Variants in GALNTL6 observed in about 807,000 individuals in gnomAD.
The protein encoded by GALNTL6 is polypeptide N-acetylgalactosaminyltransferase like 6.
Under a neutral mutation model 73.7 loss-of-function variants are expected in GALNTL6, and 46 were observed. That is an observed-to-expected ratio of 0.62 (90% CI 0.49 to 0.80). The LOEUF (loss-of-function observed/expected upper bound fraction) is 0.80, where lower values mean the gene tolerates loss of function less well. Among genes scored for constraint, GALNTL6 ranks in the 30% least tolerant of loss-of-function variants. The probability of loss-of-function intolerance (pLI) is 0.00; values close to 1 mark genes in which losing one functional copy is unlikely to be tolerated. For synonymous variants in GALNTL6, 259 were observed against 263.7 expected (o/e 0.98, Z 0.17); for missense variants, 604 against 755.0 (o/e 0.80, Z 2.34).
intron 12 of GALNTL6, among the ~76,000 whole-genome samples, chr4:173,038,627 A>T (rs995491637): frequency 1.3e-5 from 2 of 152,248 alleles, no homozygotes; most frequent in Non-Finnish European, 2.9e-5. Flanking sequence ...CCTTTGTATT[A>T]GGCACAGCTC....
chr4:172,355,326 G>T (rs948632801), intron 5 of GALNTL6, among the ~76,000 whole-genome samples: 2 of 152,058 alleles, frequency 1.3e-5, no homozygotes, highest in Non-Finnish European at 1.5e-5. Flanking sequence ...TAACAAAAAA[G>T]AACTGTTAGA....
chr4:172,657,839 G>T (rs1256625612), intron 5 of GALNTL6, among the ~76,000 whole-genome samples: 1 of 152,130 alleles, frequency 6.6e-6, no homozygotes, highest in African/African-American at 2.4e-5. Context: ...ACCAGTCAAC[G>T]GTCGGCACAC....
At chr4:172,514,981 A>T (rs1032040060) in intron 5 of GALNTL6, among the ~76,000 whole-genome samples, 5 of 152,074 alleles carry the variant, frequency 3.3e-5, no homozygotes, top group African/African-American at 1.2e-4. Context: ...GTGGCAAACC[A>T]CTTCTTTCAA....
At chr4:172,165,630 A>G (rs1319445450) in intron 2 of GALNTL6, among the ~76,000 whole-genome samples, 3 of 152,204 alleles carry the variant, frequency 2.0e-5, no homozygotes, top group Non-Finnish European at 4.4e-5. Flanking sequence ...ATGAATGGGA[A>G]TTGGAATCCT....
chr4:172,202,900 T>C (rs1339993998), intron 2 of GALNTL6, among the ~76,000 whole-genome samples: 1 of 152,202 alleles, frequency 6.6e-6, no homozygotes. Context: ...AATTGAGTTT[T>C]GATAGCAAAA....
chr4:172,361,392 T>G (rs1316338228), intron 5 of GALNTL6, among the ~76,000 whole-genome samples: 4 of 152,114 alleles, frequency 2.6e-5, no homozygotes, highest in Non-Finnish European at 5.9e-5. Flanking sequence ...CACTTTTCAT[T>G]TTAGGATCAG....
chr4:172,652,241 G>A (rs1166992545), intron 5 of GALNTL6, among the ~76,000 whole-genome samples: 4 of 152,266 alleles, frequency 2.6e-5, no homozygotes, highest in East Asian at 1.9e-4. Context: ...CAGGAGTGTC[G>A]AGGTTATTCA....
At chr4:172,633,976 G>A (rs1239623961) in intron 5 of GALNTL6, among the ~76,000 whole-genome samples, 1 of 152,166 alleles carries the variant, frequency 6.6e-6, no homozygotes, top group Admixed American at 6.5e-5. Context: ...GTGTGGAACT[G>A]GGAGTCAATT....
chr4:172,249,476 G>A (rs1461375521), intron 3 of GALNTL6, among the ~76,000 whole-genome samples: 2 of 152,144 alleles, frequency 1.3e-5, no homozygotes, highest in Admixed American at 1.3e-4. Flanking sequence ...AAGTAACAAG[G>A]AGCTGAATGT....
At chr4:172,321,495 A>T (rs1740753907) in intron 4 of GALNTL6, among the ~76,000 whole-genome samples, 1 of 152,208 alleles carries the variant, frequency 6.6e-6, no homozygotes, top group African/African-American at 2.4e-5. Context: ...ATATAACAGA[A>T]AAAGACTTCA....
At chr4:172,596,186 T>C (rs1355508134) in intron 5 of GALNTL6, among the ~76,000 whole-genome samples, 1 of 152,078 alleles carries the variant, frequency 6.6e-6, no homozygotes, top group Non-Finnish European at 1.5e-5. Flanking sequence ...CCAGGTGTGG[T>C]GGCTTATGCC....
At chr4:172,731,948 T>C (rs1268932967) in intron 5 of GALNTL6, among the ~76,000 whole-genome samples, 2 of 152,174 alleles carry the variant, frequency 1.3e-5, no homozygotes, top group African/African-American at 2.4e-5. Flanking sequence ...AGGCTTGTTT[T>C]GTGGCTCAAG....
chr4:172,691,487 A>C (rs1229403862), intron 5 of GALNTL6, among the ~76,000 whole-genome samples: 1 of 152,086 alleles, frequency 6.6e-6, no homozygotes, highest in Non-Finnish European at 1.5e-5. Flanking sequence ...CATGACTCAG[A>C]CTCTTTAGGA....
At chr4:171,841,327 G>T (rs1735234216) in intron 2 of GALNTL6, among the ~76,000 whole-genome samples, 1 of 152,058 alleles carries the variant, frequency 6.6e-6, no homozygotes. Flanking sequence ...AGTGCAATTT[G>T]ATCACTGCAA....
intron 12 of GALNTL6, among the ~76,000 whole-genome samples, chr4:173,038,305 C>A (rs186102517): frequency 5.9e-4 from 90 of 152,256 alleles, no homozygotes; most frequent in Admixed American, 5.9e-3. Context: ...GAGACTGCTG[C>A]CTGAGGAGCC....
intron 5 of GALNTL6, among the ~76,000 whole-genome samples, chr4:172,483,702 A>G (rs1733573650): frequency 6.6e-6 from 1 of 152,192 alleles, no homozygotes; most frequent in African/African-American, 2.4e-5. Context: ...GACTGAAAAG[A>G]GAAGGAAGGA....
intron 5 of GALNTL6, among the ~76,000 whole-genome samples, chr4:172,404,187 C>A (rs1161248296): frequency 1.3e-5 from 2 of 151,792 alleles, no homozygotes; most frequent in African/African-American, 4.8e-5. Flanking sequence ...ATGAAGGATG[C>A]CTATAGTTAA....
intron 4 of GALNTL6, among the ~76,000 whole-genome samples, chr4:172,331,583 T>C (rs539697124): frequency 1.3e-5 from 2 of 152,368 alleles, no homozygotes; most frequent in African/African-American, 4.8e-5. Flanking sequence ...TCTTTTGTTC[T>C]ATGGATTTGA....
intron 2 of GALNTL6, among the ~76,000 whole-genome samples, chr4:171,946,295 A>G (rs1738700411): frequency 6.6e-6 from 1 of 152,204 alleles, no homozygotes; most frequent in South Asian, 2.1e-4. Flanking sequence ...TTAAATAATA[A>G]AAAGTTAAGT....
Sources: allele counts gnomAD v4.1 joint callset (sites outside exome capture counted in the v4.1 genomes callset), GRCh38; gene constraint gnomAD v4.1.1; transcripts MANE v1.5; gene names NCBI Gene and HGNC (gene_info 2026-07-23, HGNC 2026-07-21).